The following ZZEF1 variants were observed in gnomAD, a reference collection of about 807,000 sequenced individuals.
ZZEF1 encodes zinc finger ZZ-type and EF-hand domain containing 1, also known as zinc finger ZZ-type and EF-hand domain-containing protein 1.
ZZEF1 carries 157 observed loss-of-function variants against 342.8 expected under a neutral mutation model. The ratio of observed to expected loss-of-function variants is 0.46; its 90% confidence interval spans 0.40 to 0.52. The LOEUF (loss-of-function observed/expected upper bound fraction) is 0.52. Ranked by LOEUF, ZZEF1 falls within the 20% of genes least tolerant of loss-of-function variation. The pLI is 0.00. For missense variants in ZZEF1, 3,480 were observed against 3,725.6 expected, an observed-to-expected ratio of 0.93 and a Z score of 1.72; for synonymous variants, 1,505 against 1,429.1, an observed-to-expected ratio of 1.05 and a Z score of -1.20.
At position 4,059,614 on chromosome 17, in the gene ZZEF1, C is replaced by T. The variant is rs541731294; in HGVS notation, c.4884-324G>A. On this transcript the variant is annotated intron_variant, in intron 30 of 54. Transcript: ENST00000381638. ...TTTTCACAAATGACCTCATTTGATC[C>T]TCTCCACACAATCACGCTCACCCCT... Among the ~76,000 whole-genome samples, 24 of 152,216 alleles carry T rather than the reference C, an allele frequency of 1.6e-4. No individual in the cohort carries two copies. The South Asian group carries it at 5.0e-3, about 32-fold the overall frequency.
Position 4,104,448 on chromosome 17 carries a change from TCC to T in ZZEF1, c.1573+183_1573+184del, listed in dbSNP as rs749440745. On this transcript the variant is annotated intron_variant, in intron 8 of 54. Coordinates refer to ENST00000381638, the MANE Select transcript of ZZEF1 (RefSeq NM_015113.4). ...CTGCCATCACATAAATGAACCTAAATCCCCCTTCTCCCTGCCAATCCTAGTAA... is the reference window on the plus strand; with the variant it reads ...CTGCCATCACATAAATGAACCTAAATCCCTTCTCCCTGCCAATCCTAGTAA... 9.2e-5 allele frequency among the ~76,000 whole-genome samples: 14 copies of T among 151,762 alleles called. No individual in the cohort carries two copies. The East Asian group carries it at 9.7e-4, about 10-fold the overall frequency.
intron 4 of ZZEF1, among the ~76,000 whole-genome samples, chr17:4,113,056 C>T (rs1011247233): frequency 6.6e-6 from 1 of 152,096 alleles, no homozygotes; most frequent in South Asian, 2.1e-4. Context: ...ACAGAAAGAA[C>T]GAACAGTATG....
chr17:4,123,410 C>G (rs1567861999), intron 2 of ZZEF1, among the ~76,000 whole-genome samples: 2 of 150,684 alleles, frequency 1.3e-5, no homozygotes, highest in East Asian at 3.9e-4. Flanking sequence ...GGAGGGAATA[C>G]TGTAATAGCT....
In ZZEF1 at chr17:4,042,528, C is replaced by T. The variant is rs1405563266; in HGVS notation, c.6207G>A (p.Glu2069=). 6.2e-7 allele frequency: 1 copy of T among 1,613,834 alleles called. No individual in the cohort carries two copies. Among genetic ancestry groups the T allele is most frequent in the East Asian group, 2.2e-5 (1 of 44,880 alleles). The change falls in exon 39 of 55, where the codon GAG becomes GAA. Residue 2069 remains glutamate (E), a synonymous_variant. Transcript: ENST00000381638. The part of the protein sequence containing the change: ...DSEVSSQKPI[E]EKAVTPSPEQ... ...CAGGGCTTGGAGTAACTGCTTTTTC[C>T]TCTATGGGCTTCTGAGATGACACTT...
intron 23 of ZZEF1, among the ~76,000 whole-genome samples, 173 bp downstream of exon 23, chr17:4,074,924 C>G (rs551679107): frequency 9.2e-5 from 14 of 152,354 alleles, no homozygotes; most frequent in South Asian, 2.1e-4. Flanking sequence ...AATTTGTTTA[C>G]AAAACAGGTG....
rs1325493151 is a variant in ZZEF1, at chr17:4,064,659, C to G, written c.4420G>C (p.Val1474Leu). The change falls in exon 29 of 55, where the codon GTA (valine) becomes CTA (leucine). Residue 1474 changes from valine to leucine, a missense_variant. Physicochemically the swap from Val to Leu is conservative, Grantham distance 32. This residue lies in a region of ZZEF1 where 1,528 missense variants were observed against 1,624.1 expected (regional missense o/e 0.94). Transcript: ENST00000381638. ...GGGGGTGCGGCTTCAGTGGGAGATA[C>G]TGAGGCTTGGAAATGCTCTTCCACC... ...SVVEEHFQAS[V>L]SPTEAAPPAT... 6.2e-7 allele frequency: 1 copy of G among 1,614,194 alleles called. No individual in the cohort carries two copies. Among genetic ancestry groups the G allele is most frequent in the African/African-American group, 1.3e-5 (1 of 75,038 alleles).
chr17:4,060,141 G>A (rs995970618), intron 30 of ZZEF1, among the ~76,000 whole-genome samples: 3 of 152,176 alleles, frequency 2.0e-5, no homozygotes, highest in Non-Finnish European at 4.4e-5. Context: ...ACAGCTGAAT[G>A]TCATGGAGGA....
chr17:4,098,734 A>G (rs528544485), intron 9 of ZZEF1, among the ~76,000 whole-genome samples: 1 of 152,244 alleles, frequency 6.6e-6, no homozygotes, highest in African/African-American at 2.4e-5. Flanking sequence ...ACAAAAATTT[A>G]TAAAGACAAT....
chr17:4,041,152 G>C (rs1435947504), intron 39 of ZZEF1, among the ~76,000 whole-genome samples: 1 of 152,182 alleles, frequency 6.6e-6, no homozygotes, highest in African/African-American at 2.4e-5. Context: ...CAGCTACCTA[G>C]ACAGGTCCGG....
chr17:4,010,742 G>GAA lies in ZZEF1; in HGVS notation c.8580-987_8580-986dup, dbSNP rs900559915. On this transcript the variant is annotated intron_variant, in intron 52 of 54. Transcript: ENST00000381638. ...TCCGTCTCAAAAAAAAAAAGAAAAA[G>GAA]AAAAAAGAAAAAAAGCAAGATGTAA... 9.6e-3 allele frequency among the ~76,000 whole-genome samples: 550 copies of GAA among 57,372 alleles called. 12 individuals carry two copies. Among genetic ancestry groups the GAA allele is most frequent in the African/African-American group, 0.034 (503 of 14,864 alleles). 37.6% of individuals were successfully genotyped at this position (57,372 alleles called of 152,430 possible).
intron 11 of ZZEF1, among the ~76,000 whole-genome samples, chr17:4,092,757 G>T (rs1451409184): frequency 6.6e-6 from 1 of 152,016 alleles, no homozygotes; most frequent in Admixed American, 6.5e-5. Context: ...TCTACTCTTT[G>T]GGAGTTGTCA....
chr17:4,109,226 T>A (rs2058257688), intron 6 of ZZEF1, among the ~76,000 whole-genome samples: 1 of 152,198 alleles, frequency 6.6e-6, no homozygotes, highest in African/African-American at 2.4e-5. Context: ...ATGGGGTGAT[T>A]TTCACAGGTA....
rs60698621 is a variant in ZZEF1 at position 4,064,065 on chromosome 17, G to GA, written c.4718+295_4718+296insT. 1.2e-3 allele frequency among the ~76,000 whole-genome samples: 155 copies of GA among 126,258 alleles called. 2 individuals carry two copies. Among genetic ancestry groups the GA allele is most frequent in the African/African-American group, 4.5e-3 (144 of 31,974 alleles). The allele number at this position is 126,258 out of a possible 152,430, so 82.8% of individuals were successfully genotyped here. A position where few individuals can be genotyped will look rare whatever the true frequency, so the allele number is the denominator to read the frequency against. The stretch of plus-strand genomic sequence containing the variant: ...TAAAAAAAATTTTTTGTAGATGGAG[G>GA]GGGGGGGGTCTCACTATGTTGCCCA... On this transcript the variant is annotated intron_variant, in intron 29 of 54. Transcript: ENST00000381638.
rs537448231 is a variant in ZZEF1, at chr17:4,045,845, TG to T, written c.6016-1472del. ...TTTTGTTCTTGTTTTTTTTTTTTTT[TG>T]AGATGGAGTCTCGCTCTGTTACCCA... is the stretch of plus-strand genomic sequence containing the variant. On this transcript the variant is annotated intron_variant, in intron 37 of 54. Coordinates refer to ENST00000381638, the MANE Select transcript of ZZEF1 (RefSeq NM_015113.4). Among the ~76,000 whole-genome samples, 270 of 138,298 alleles carry T rather than the reference TG, an allele frequency of 2.0e-3. 2 individuals carry two copies. Among genetic ancestry groups the T allele is most frequent in the African/African-American group, 6.7e-3 (237 of 35,264 alleles). The allele number at this position is 138,298 out of a possible 152,430, so 90.7% of individuals were successfully genotyped here.
intron 52 of ZZEF1, among the ~76,000 whole-genome samples, chr17:4,010,215 A>C (rs75172316): frequency 1.3e-5 from 2 of 151,554 alleles, no homozygotes; most frequent in South Asian, 2.1e-4. Flanking sequence ...CAAAAAAAAA[A>C]CCTAGCTGTG....
chr17:4,056,460 A>G, intron 32 of ZZEF1, 115 bp from the exon 33 acceptor site: 1 of 1,125,952 alleles, frequency 8.9e-7, no homozygotes, highest in African/African-American at 1.6e-5. Context: ...TCAACTTCTG[A>G]GAGGGAAAGG....
intron 1 of ZZEF1, among the ~76,000 whole-genome samples, chr17:4,132,940 T>C (rs961366590): frequency 1.3e-5 from 2 of 151,756 alleles, no homozygotes; most frequent in African/African-American, 2.4e-5. Context: ...CAGTCCAGCC[T>C]GGGCGACAGA....
chr17:4,071,204 A>T, intron 25 of ZZEF1: 1 of 346,882 alleles, frequency 2.9e-6, no homozygotes, highest in Non-Finnish European at 5.2e-6. Context: ...AAGGAGAGAG[A>T]TCCTGGTAGG....
chr17:4,094,102 G>GTTCAC (rs1323059060), intron 11 of ZZEF1, among the ~76,000 whole-genome samples: 2 of 151,886 alleles, frequency 1.3e-5, no homozygotes, highest in African/African-American at 4.8e-5. Flanking sequence ...TCTCTTCCCA[G>GTTCAC]TTCACACACT....
Sources: gnomAD v4.1 joint callset for allele counts (sites outside exome capture counted in the v4.1 genomes callset) on GRCh38, gnomAD v4.1.1 for gene constraint, gnomAD v4.1.1 regional missense constraint, MANE v1.5 for transcripts, NCBI Gene and HGNC (gene_info 2026-07-23, HGNC 2026-07-21) for gene names.